RAB38: variants seen among roughly 807,000 people sequenced by gnomAD.
RAB38 encodes the protein ras-related protein Rab-38.
RAB38 carries 15 observed loss-of-function variants against 18.4 expected under a neutral mutation model. That is an observed-to-expected ratio of 0.82 (90% confidence interval 0.55 to 1.26). RAB38 has a LOEUF of 1.26. Ranked by LOEUF, RAB38 falls within the 50% of genes most tolerant of loss-of-function variation. The pLI is 0.00. For missense variants in RAB38, 294 were observed against 267.4 expected (o/e 1.10, Z -0.69); for synonymous variants, 101 against 104.4 (o/e 0.97, Z 0.20).
At chr11:87,835,241 GA>G in the RAB38 span, among the ~76,000 whole-genome samples, 1 of 152,312 alleles carries the variant, frequency 6.6e-6, no homozygotes, top group African/African-American at 2.4e-5. Flanking sequence ...GAACCAGCCA[GA>G]ACTATTGGAT....
chr11:87,970,175 T>C, the RAB38 span, among the ~76,000 whole-genome samples: 7,437 of 152,026 alleles, frequency 0.049, 232 homozygotes, highest in East Asian at 0.13. Context: ...GGGAGCAAAA[T>C]TGAAGGGGAC....
intron 2 of RAB38, among the ~76,000 whole-genome samples, chr11:88,135,659 C>T (rs886322046): frequency 7.9e-5 from 12 of 152,284 alleles, no homozygotes; most frequent in South Asian, 2.1e-4. Context: ...ATCTGAAACA[C>T]AAAATCTAAA....
At chr11:88,033,048 T>TA in the RAB38 span, among the ~76,000 whole-genome samples, 12 of 152,232 alleles carry the variant, frequency 7.9e-5, no homozygotes, top group South Asian at 1.9e-3. Context: ...TATGCAGCCA[T>TA]AAAAAATGAT....
the RAB38 span, among the ~76,000 whole-genome samples, chr11:87,806,860 A>C: frequency 1.3e-5 from 2 of 152,186 alleles, no homozygotes; most frequent in Non-Finnish European, 2.9e-5. Flanking sequence ...GAAATCTTAC[A>C]AGGCATTTAG....
At chr11:87,859,968 C>T in the RAB38 span, among the ~76,000 whole-genome samples, 1 of 151,984 alleles carries the variant, frequency 6.6e-6, no homozygotes, top group Non-Finnish European at 1.5e-5. Context: ...TGCCCATCTG[C>T]AAACCAAACT....
intron 2 of RAB38, among the ~76,000 whole-genome samples, chr11:88,124,841 A>T (rs576459540): frequency 1.6e-4 from 25 of 152,360 alleles, no homozygotes; most frequent in African/African-American, 5.8e-4. Flanking sequence ...TAACTAGATG[A>T]AATGATTTAT....
intron 2 of RAB38, among the ~76,000 whole-genome samples, chr11:88,124,896 A>G (rs1302529747): frequency 3.3e-5 from 5 of 152,250 alleles, no homozygotes; most frequent in African/African-American, 1.2e-4. Context: ...ACCAGGCACT[A>G]TTCATCAAAG....
At chr11:87,965,069 C>A in the RAB38 span, among the ~76,000 whole-genome samples, 1 of 152,112 alleles carries the variant, frequency 6.6e-6, no homozygotes, top group Non-Finnish European at 1.5e-5. Flanking sequence ...GGATGTTTAG[C>A]AGCATCTTTG....
chr11:87,875,211 T>C, the RAB38 span, among the ~76,000 whole-genome samples: 2 of 151,492 alleles, frequency 1.3e-5, no homozygotes, highest in East Asian at 2.0e-4. Flanking sequence ...AGTGGTGGAT[T>C]GGTTAATTAG....
At chr11:88,030,006 G>C in the RAB38 span, among the ~76,000 whole-genome samples, 2 of 152,000 alleles carry the variant, frequency 1.3e-5, no homozygotes, top group East Asian at 3.9e-4. Context: ...AAATGTAAAA[G>C]AACAGAAGTT....
chr11:88,132,844 G>T (rs115281387), intron 2 of RAB38, among the ~76,000 whole-genome samples: 4,340 of 152,132 alleles, frequency 0.029, 206 homozygotes, highest in African/African-American at 0.1. Context: ...ATATTTAATA[G>T]ATATTAATAA....
At chr11:88,098,090 G>A in the RAB38 span, 1 of 151,746 alleles carries the variant, frequency 6.6e-6, no homozygotes, top group Non-Finnish European at 1.5e-5. Flanking sequence ...CTGAGGTAGA[G>A]ATGCAGTAAT....
chr11:88,044,537 T>A, the RAB38 span, among the ~76,000 whole-genome samples: 1 of 152,146 alleles, frequency 6.6e-6, no homozygotes, highest in Non-Finnish European at 1.5e-5. Flanking sequence ...TTGACCCCAA[T>A]ACAAACTCGA....
At chr11:87,922,596 G>A in the RAB38 span, among the ~76,000 whole-genome samples, 9 of 151,836 alleles carry the variant, frequency 5.9e-5, no homozygotes, top group East Asian at 1.9e-4. Flanking sequence ...GTCATCTTAT[G>A]GAGATTTTCC....
chr11:87,873,418 G>A, the RAB38 span, among the ~76,000 whole-genome samples: 4 of 151,562 alleles, frequency 2.6e-5, no homozygotes, highest in Admixed American at 6.6e-5. Context: ...TCTCTTGACA[G>A]TATTTTTTGC....
the RAB38 span, among the ~76,000 whole-genome samples, chr11:87,902,805 C>T: frequency 6.6e-6 from 1 of 150,920 alleles, no homozygotes; most frequent in African/African-American, 2.4e-5. Context: ...AATTTTATAA[C>T]AGCTCACTGA....
chr11:88,036,987 A>G, the RAB38 span, among the ~76,000 whole-genome samples: 67,289 of 151,610 alleles, frequency 0.44, 16,696 homozygotes, highest in Non-Finnish European at 0.56. Context: ...TTAGTTATCA[A>G]TATTACATTT....
chr11:88,097,355 C>A, the RAB38 span, among the ~76,000 whole-genome samples: 1 of 151,808 alleles, frequency 6.6e-6, no homozygotes, highest in African/African-American at 2.4e-5. Context: ...ATCTGTGCAC[C>A]AAAGAGTTTA....
chr11:87,854,980 A>G, the RAB38 span, among the ~76,000 whole-genome samples: 1 of 152,068 alleles, frequency 6.6e-6, no homozygotes, highest in Admixed American at 6.6e-5. Context: ...ATTTTTTAGT[A>G]GAGATCGGGT....
Sources: allele counts gnomAD v4.1 joint callset (sites outside exome capture counted in the v4.1 genomes callset), GRCh38; gene constraint gnomAD v4.1.1; transcripts MANE v1.5; gene names NCBI Gene and HGNC (gene_info 2026-07-23, HGNC 2026-07-21).